TRPS1: variants seen among roughly 807,000 people sequenced by gnomAD.
TRPS1 encodes transcriptional repressor GATA binding 1.
Under a neutral mutation model 101.2 loss-of-function variants are expected in TRPS1, and 6 were observed. The observed-to-expected ratio is 0.06, with a 90% CI of 0.03 to 0.12. The LOEUF is 0.12. Among genes scored for constraint, TRPS1 ranks in the 10% least tolerant of loss-of-function variants. The pLI is 1.00. For missense variants in TRPS1, 1,363 were observed against 1,567.0 expected, an observed-to-expected ratio of 0.87 and a Z score of 2.20; for synonymous variants, 578 against 589.8, an observed-to-expected ratio of 0.98 and a Z score of 0.29.
At chr8:115,444,797 T>C (rs112247909) in intron 5 of TRPS1, among the ~76,000 whole-genome samples, 2 of 152,164 alleles carry the variant, frequency 1.3e-5, no homozygotes, top group African/African-American at 2.4e-5. Context: ...CATCCTGAAA[T>C]TGGCACCAAC....
At chr8:115,520,792 T>C (rs576484903) in intron 5 of TRPS1, among the ~76,000 whole-genome samples, 2 of 151,998 alleles carry the variant, frequency 1.3e-5, no homozygotes, top group Admixed American at 6.6e-5. Context: ...CAAAGGTTAA[T>C]GTGCCATTAC....
chr8:115,471,312 A>C (rs1028805303), intron 5 of TRPS1, among the ~76,000 whole-genome samples: 1 of 152,292 alleles, frequency 6.6e-6, no homozygotes. Context: ...CCTTCTTCAC[A>C]TGATGCCAGG....
intron 1 of TRPS1, among the ~76,000 whole-genome samples, chr8:115,628,258 T>G (rs1040683424): frequency 6.6e-6 from 1 of 151,784 alleles, no homozygotes; most frequent in Non-Finnish European, 1.5e-5. Flanking sequence ...AGGACAACCA[T>G]AGACATATCC....
intron 5 of TRPS1, among the ~76,000 whole-genome samples, chr8:115,481,070 T>C (rs932125442): frequency 6.6e-6 from 1 of 152,154 alleles, no homozygotes; most frequent in African/African-American, 2.4e-5. Flanking sequence ...TTCTTTCCTG[T>C]AAATATGCTG....
Position 115,619,700 on chromosome 8 carries a change from C to T in TRPS1, c.398G>A (p.Gly133Glu). Residue 133 changes from glycine (G) to glutamate (E), a missense_variant, in exon 3 of 7, where the codon GGA (glycine) becomes GAA (glutamate). By Grantham distance (98) the Gly-to-Glu change is moderately conservative (BLOSUM62 -2). Around this residue, in one of 5 missense-constraint regions of TRPS1, gnomAD observed 1,020 missense variants for 1,073.0 expected, o/e 0.95. Coordinates refer to ENST00000395715, the MANE Select transcript of TRPS1 (RefSeq NM_014112.5). Reference sequence around the variant, plus strand: ...CGGAGACTTCAAGGGCTCACAGACTCCCCCAGCAGCTGGAGATGAGAAAGC... The same window carrying T: ...CGGAGACTTCAAGGGCTCACAGACTTCCCCAGCAGCTGGAGATGAGAAAGC... ...MLAFSSPAAG[G>E]VCEPLKSPQR... is the part of the protein sequence containing the mutation. The T allele has an allele frequency of 6.2e-7, 1 of 1,614,142 alleles. No individual in the cohort carries two copies. Among genetic ancestry groups the T allele is most frequent in the Non-Finnish European group, 8.5e-7 (1 of 1,180,038 alleles).
At chr8:115,645,867 C>G (rs1455326488) in intron 1 of TRPS1, among the ~76,000 whole-genome samples, 1 of 152,050 alleles carries the variant, frequency 6.6e-6, no homozygotes, top group African/African-American at 2.4e-5. Context: ...AACTGAAATT[C>G]AAACATAACA....
chr8:115,531,089 T>A (rs1055765958), intron 5 of TRPS1, among the ~76,000 whole-genome samples: 7 of 152,044 alleles, frequency 4.6e-5, no homozygotes, highest in East Asian at 3.9e-4. Context: ...TAATAAAATT[T>A]AAAAAAAGAG....
intron 5 of TRPS1, among the ~76,000 whole-genome samples, chr8:115,552,750 G>C (rs1440505528): frequency 6.6e-6 from 1 of 151,902 alleles, no homozygotes; most frequent in South Asian, 2.1e-4. Context: ...TAACCATTTG[G>C]TTGTTATAAT....
At chr8:115,506,641 A>T (rs1375314127) in intron 5 of TRPS1, among the ~76,000 whole-genome samples, 1 of 152,136 alleles carries the variant, frequency 6.6e-6, no homozygotes, top group African/African-American at 2.4e-5. Flanking sequence ...ATTCAAAGTA[A>T]ATGAGTCTGT....
chr8:115,631,114 C>T (rs1818632062), intron 1 of TRPS1, among the ~76,000 whole-genome samples: 1 of 151,992 alleles, frequency 6.6e-6, no homozygotes, highest in African/African-American at 2.4e-5. Context: ...CTACATGCCT[C>T]TAAAATGGAT....
At position 115,637,166 on chromosome 8, in the gene TRPS1, C is replaced by T. The variant is rs185578241; in HGVS notation, c.-121-13408G>A. On this transcript the variant is annotated intron_variant, in intron 1 of 6. Coordinates refer to ENST00000395715, the MANE Select transcript of TRPS1 (RefSeq NM_014112.5). ...AGCAAACAGGAGTAAGAGAAACAAA[C>T]GGTTGCTAACAATATTAACATATGT... The T allele has an allele frequency of 3.8e-4, 315 of 819,948 alleles. 1 individual carries two copies. In the African/African-American group the frequency reaches 4.9e-3, roughly 13 times the overall value. 50.8% of individuals were successfully genotyped at this position (819,948 alleles called of 1,614,324 possible).
chr8:115,473,211 A>C (rs2130024308), intron 5 of TRPS1, among the ~76,000 whole-genome samples: 1 of 152,350 alleles, frequency 6.6e-6, no homozygotes, highest in Non-Finnish European at 1.5e-5. Context: ...TAATTGACTC[A>C]TAGTTCCACA....
At chr8:115,505,032 A>T (rs1174624413) in intron 5 of TRPS1, among the ~76,000 whole-genome samples, 1 of 152,246 alleles carries the variant, frequency 6.6e-6, no homozygotes, top group African/African-American at 2.4e-5. Context: ...GTAAAAATAT[A>T]TCACATCAAA....
chr8:115,547,584 G>C lies in TRPS1; in HGVS notation c.2700+39417C>G, dbSNP rs530710149. Among the ~76,000 whole-genome samples the C allele has an allele frequency of 1.2e-4, 18 of 152,232 alleles. 1 individual carries two copies. Among genetic ancestry groups the C allele is most frequent in the African/African-American group, 3.4e-4 (14 of 41,536 alleles). On this transcript the variant is annotated intron_variant, in intron 5 of 6. Transcript: ENST00000395715. The stretch of plus-strand genomic sequence containing the variant: ...AAGGCAGTCACCGTAATTAGCTTCA[G>C]GGCAATCAGAACTTCTTTCTTAGGC...
At chr8:115,545,672 T>G (rs908131083) in intron 5 of TRPS1, among the ~76,000 whole-genome samples, 2 of 152,192 alleles carry the variant, frequency 1.3e-5, no homozygotes, top group Admixed American at 1.3e-4. Context: ...AGACCATTTC[T>G]TCATTCATAT....
In TRPS1 at chr8:115,414,851, G is replaced by C; in HGVS notation, c.3057C>G (p.Ala1019=). ...AATGGCTTTTAGTCAATGAACCCTG[G>C]GCTTCGTATTTACTTAGGCTGGGGA... ...IPLPSLSKYE[A]QGSLTKSHSA... is the part of the protein sequence containing the mutation. The change falls in exon 7 of 7, where the codon GCC becomes GCG. Residue 1019 remains alanine, a synonymous_variant. Coordinates refer to ENST00000395715, the MANE Select transcript of TRPS1 (RefSeq NM_014112.5). This position sits in a 1 kb window ranked among gnomAD's most constrained non-coding sequence, Gnocchi z 4.8. 6 of 1,613,904 alleles carry C rather than the reference G, an allele frequency of 3.7e-6. No individual in the cohort carries two copies. The highest frequency in any genetic ancestry group is 4.2e-6 in the Non-Finnish European group (5 of 1,179,926).
chr8:115,533,559 C>G (rs1235070293), intron 5 of TRPS1, among the ~76,000 whole-genome samples: 2 of 148,034 alleles, frequency 1.4e-5, no homozygotes, highest in East Asian at 4.1e-4. Context: ...TAAAGGTTTC[C>G]TACAAACTCT....
chr8:115,632,706 G>A (rs981324305), intron 1 of TRPS1, among the ~76,000 whole-genome samples: 2 of 152,136 alleles, frequency 1.3e-5, no homozygotes, highest in South Asian at 2.1e-4. Context: ...ATGATGCTGA[G>A]TGTGTCATGG....
chr8:115,438,790 T>G (rs1813518975), intron 5 of TRPS1, among the ~76,000 whole-genome samples: 1 of 151,966 alleles, frequency 6.6e-6, no homozygotes, highest in Non-Finnish European at 1.5e-5. Context: ...CCTTTTCTGC[T>G]TTGTTTCATT....
Sources: gnomAD v4.1 joint callset for allele counts (sites outside exome capture counted in the v4.1 genomes callset) on GRCh38, gnomAD v4.1.1 for gene constraint, gnomAD v4.1.1 regional missense constraint, Gnocchi (gnomAD v3.1) non-coding constraint, MANE v1.5 for transcripts, NCBI Gene and HGNC (gene_info 2026-07-23, HGNC 2026-07-21) for gene names.